Variants in LGSN observed in about 807,000 individuals in gnomAD.
LGSN encodes the protein lengsin, lens protein with glutamine synthetase domain, also known as lengsin.
In LGSN, 21 loss-of-function variants were observed where a neutral mutation model predicts 19.5. That is an observed-to-expected ratio of 1.07 (90% CI 0.76 to 1.55). The LOEUF is 1.55. Ranked by LOEUF, LGSN falls within the 40% of genes most tolerant of loss-of-function variation. LGSN has a pLI of 0.00. For synonymous variants in LGSN, 257 were observed against 215.6 expected (o/e 1.19, Z -1.68); for missense variants, 673 against 608.5 (o/e 1.11, Z -1.12).
the LGSN span, among the ~76,000 whole-genome samples, chr6:63,369,892 T>C: frequency 6.6e-6 from 1 of 151,990 alleles, no homozygotes; most frequent in Non-Finnish European, 1.5e-5. Context: ...CTCCCAGCTA[T>C]TCAGGAGGCT....
the LGSN span, among the ~76,000 whole-genome samples, chr6:63,390,785 G>A: frequency 4.7e-3 from 706 of 150,458 alleles, 2 homozygotes; most frequent in Non-Finnish European, 6.9e-3. Flanking sequence ...CGTGAACCCC[G>A]GGGGACGGAG....
the LGSN span, among the ~76,000 whole-genome samples, chr6:63,351,499 C>T: frequency 6.6e-6 from 1 of 151,978 alleles, no homozygotes; most frequent in Admixed American, 6.6e-5. Context: ...CACTCTGCCA[C>T]CTAGGCTGGA....
rs770371361 is a variant in LGSN at position 63,295,048 on chromosome 6, G to A, written c.31-3C>T. 1.4e-5 allele frequency: 23 copies of A among 1,611,412 alleles called. No individual in the cohort carries two copies. The highest frequency in any genetic ancestry group is 2.0e-5 in the Non-Finnish European group (23 of 1,178,312). ...TTGCCTTCATCTCTTGTTGAGTCCT[G>A]TTGATAATTAATAAACAAAAAGCCA... On this transcript the variant is annotated splice_polypyrimidine_tract_variant and splice_region_variant and intron_variant, in intron 1 of 3. Transcript: ENST00000370657.
the LGSN span, among the ~76,000 whole-genome samples, chr6:63,333,235 ATTGGTG>A: frequency 1.3e-5 from 2 of 151,910 alleles, no homozygotes; most frequent in Non-Finnish European, 2.9e-5. Flanking sequence ...CAGGGCGCTG[ATTGGTG>A]CGTTTACAAT....
At chr6:63,299,521 A>T (rs1479055567) in intron 1 of LGSN, among the ~76,000 whole-genome samples, 1 of 152,250 alleles carries the variant, frequency 6.6e-6, no homozygotes, top group Non-Finnish European at 1.5e-5. Context: ...CCTAAAAGTC[A>T]TCCTTTTAGA....
At chr6:63,407,225 A>T in the LGSN span, among the ~76,000 whole-genome samples, 5 of 152,016 alleles carry the variant, frequency 3.3e-5, no homozygotes, top group African/African-American at 1.2e-4. Context: ...AGACACAACC[A>T]AAAAAGAGAA....
chr6:63,384,816 C>G, the LGSN span, among the ~76,000 whole-genome samples: 2 of 152,158 alleles, frequency 1.3e-5, no homozygotes, highest in African/African-American at 4.8e-5. Flanking sequence ...CTGAACCCAG[C>G]TGAGATAATG....
At chr6:63,419,868 G>A in the LGSN span, among the ~76,000 whole-genome samples, 5 of 95,338 alleles carry the variant, frequency 5.2e-5, no homozygotes, top group South Asian at 4.0e-4. Flanking sequence ...GCGTAAGAGC[G>A]AAACTCCCTC....
chr6:63,411,985 A>G, the LGSN span, among the ~76,000 whole-genome samples: 1 of 152,222 alleles, frequency 6.6e-6, no homozygotes, highest in Non-Finnish European at 1.5e-5. Flanking sequence ...AAACAAGTAG[A>G]AATAAAATGA....
At chr6:63,500,526 A>C in the LGSN span, among the ~76,000 whole-genome samples, 1 of 151,754 alleles carries the variant, frequency 6.6e-6, no homozygotes, top group Non-Finnish European at 1.5e-5. Flanking sequence ...GGTTCAAGTG[A>C]TTCTCCTGCC....
chr6:63,440,823 C>G, the LGSN span: 1 of 173,472 alleles, frequency 5.8e-6, no homozygotes, highest in African/African-American at 2.4e-5. Flanking sequence ...CAGCAACAAA[C>G]AGGACCTGAG....
intron 1 of LGSN, among the ~76,000 whole-genome samples, chr6:63,299,546 G>C (rs181404309): frequency 6.6e-6 from 1 of 152,090 alleles, no homozygotes; most frequent in Admixed American, 6.5e-5. Flanking sequence ...AAATTTTAGG[G>C]TTTTCTAGCT....
chr6:63,509,543 T>C, the LGSN span, among the ~76,000 whole-genome samples: 1 of 152,110 alleles, frequency 6.6e-6, no homozygotes, highest in Admixed American at 6.5e-5. Flanking sequence ...AATTATACCT[T>C]TTAGTTTTTG....
the LGSN span, among the ~76,000 whole-genome samples, chr6:63,532,016 G>A: frequency 1.3e-5 from 2 of 151,996 alleles, no homozygotes; most frequent in Non-Finnish European, 2.9e-5. Context: ...GGTGAGGCTG[G>A]TCTTGAACTC....
upstream of LGSN, among the ~76,000 whole-genome samples, chr6:63,324,983 A>G (rs1769200805): frequency 6.6e-6 from 1 of 151,544 alleles, no homozygotes; most frequent in Non-Finnish European, 1.5e-5. Flanking sequence ...GAGCGCCTAT[A>G]GTTCCAGCTA....
chr6:63,452,855 T>A, the LGSN span, among the ~76,000 whole-genome samples: 2 of 152,108 alleles, frequency 1.3e-5, no homozygotes, highest in Non-Finnish European at 2.9e-5. Context: ...TGCCCCTTTT[T>A]TTCTAGTATG....
chr6:63,466,286 G>T, the LGSN span, among the ~76,000 whole-genome samples: 64 of 152,216 alleles, frequency 4.2e-4, no homozygotes, highest in African/African-American at 1.4e-3. Context: ...TAGAGACAGG[G>T]TCTCACTTTG....
chr6:63,326,148 T>C, the LGSN span, among the ~76,000 whole-genome samples: 430 of 152,070 alleles, frequency 2.8e-3, 3 homozygotes, highest in African/African-American at 9.8e-3. Context: ...AGAGTGTCGA[T>C]TGGTGCGTTC....
chr6:63,494,771 C>T, the LGSN span, among the ~76,000 whole-genome samples: 1 of 152,140 alleles, frequency 6.6e-6, no homozygotes, highest in Admixed American at 6.5e-5. Context: ...TTTTACCTTG[C>T]TATATCTCTG....
Sources: allele counts gnomAD v4.1 joint callset (sites outside exome capture counted in the v4.1 genomes callset), GRCh38; gene constraint gnomAD v4.1.1; transcripts MANE v1.5; gene names NCBI Gene and HGNC (gene_info 2026-07-23, HGNC 2026-07-21).